NFKB1: variants seen among roughly 807,000 people sequenced by gnomAD.
The protein encoded by NFKB1 is nuclear factor kappa B subunit 1, also known as nuclear factor NF-kappa-B p105 subunit.
NFKB1 carries 9 observed loss-of-function variants against 105.1 expected under a neutral mutation model. The ratio of observed to expected loss-of-function variants is 0.09; its 90% CI spans 0.05 to 0.15. The LOEUF (loss-of-function observed/expected upper bound fraction) is 0.15, where lower values mean the gene tolerates loss of function less well. Among genes scored for constraint, NFKB1 ranks in the 10% least tolerant of loss-of-function variants. The pLI is 1.00. For missense variants in NFKB1, 830 were observed against 1,203.7 expected, an observed-to-expected ratio of 0.69 and a Z score of 4.59; for synonymous variants, 440 against 442.2, an observed-to-expected ratio of 1.00 and a Z score of 0.06.
intron 10 of NFKB1, among the ~76,000 whole-genome samples, chr4:102,583,923 A>C (rs1015321123): frequency 6.6e-6 from 1 of 152,182 alleles, no homozygotes; most frequent in Non-Finnish European, 1.5e-5. Flanking sequence ...CTAATATAGA[A>C]AGATCTCAGT....
At chr4:102,549,108 A>C (rs1722369434) in intron 5 of NFKB1, among the ~76,000 whole-genome samples, 1 of 152,162 alleles carries the variant, frequency 6.6e-6, no homozygotes, top group Admixed American at 6.6e-5. Flanking sequence ...TTGTTGCCTC[A>C]GTTAATCATA....
At position 102,607,306 on chromosome 4, in the gene NFKB1, G is replaced by T. The variant is rs141844350; in HGVS notation, c.2111G>T (p.Cys704Phe). Residue 704 changes from cysteine to phenylalanine, a missense_variant, in exon 18 of 24, where the codon TGC becomes TTC. Transcript: ENST00000226574. ...CACGACAACATCTCATTGGCAGGCT[G>T]CCTGCTCCTGGAGGTGAAGGGCACA... ...VEHDNISLAG[C>F]LLLEGDAHVD... 3.5e-5 allele frequency: 56 copies of T among 1,612,244 alleles called. No individual in the cohort carries two copies. Among genetic ancestry groups the T allele is most frequent in the Admixed American group, 1.7e-5 (1 of 59,954 alleles).
At chr4:102,572,980 T>G (rs1724510847) in intron 6 of NFKB1, among the ~76,000 whole-genome samples, 2 of 152,330 alleles carry the variant, frequency 1.3e-5, no homozygotes, top group African/African-American at 4.8e-5. Flanking sequence ...TTATTTTATC[T>G]TTGTTTTTCA....
chr4:102,557,969 T>C (rs1002198321), intron 5 of NFKB1, among the ~76,000 whole-genome samples: 3 of 151,868 alleles, frequency 2.0e-5, no homozygotes, highest in African/African-American at 7.3e-5. Flanking sequence ...TGTTCTGCTC[T>C]GGTGTGTAAT....
In NFKB1 at chr4:102,578,949, C is replaced by T. The variant is rs1277862289; in HGVS notation, c.640C>T (p.Arg214Trp). ...QTKEMDLSVV[R>W]LMFTAFLPDS... is the part of the protein sequence containing the mutation. The stretch of plus-strand genomic sequence containing the variant: ...CAAGGAGATGGACCTCAGCGTGGTG[C>T]GGCTCATGTTTACAGCTTTTCTTCC... The change falls in exon 8 of 24, where the codon CGG (arginine) becomes TGG (tryptophan). Residue 214 changes from arginine (R) to tryptophan (W), a missense_variant. Physicochemically the swap from Arg to Trp is moderately radical, Grantham distance 101. Coordinates refer to ENST00000226574, the MANE Select transcript of NFKB1 (RefSeq NM_003998.4). 2 of 1,613,952 alleles carry T rather than the reference C, an allele frequency of 1.2e-6. No homozygotes were observed. Among genetic ancestry groups the T allele is most frequent in the Admixed American group, 1.7e-5 (1 of 59,982 alleles).
chr4:102,595,647 G>A (rs1007615030), intron 13 of NFKB1, among the ~76,000 whole-genome samples: 2 of 152,198 alleles, frequency 1.3e-5, no homozygotes, highest in African/African-American at 4.8e-5. Flanking sequence ...ATTTGAAGCA[G>A]GTCTCCTGCA....
intron 5 of NFKB1, among the ~76,000 whole-genome samples, chr4:102,541,007 G>A (rs1343197501): frequency 1.3e-5 from 2 of 152,160 alleles, no homozygotes; most frequent in Non-Finnish European, 2.9e-5. Context: ...GAGACTGTAA[G>A]GGAAACAGTG....
intron 13 of NFKB1, 151 bp from the exon 14 acceptor site, chr4:102,595,987 T>C: frequency 2.2e-6 from 1 of 462,186 alleles, no homozygotes; most frequent in Non-Finnish European, 3.8e-6. Context: ...ATTTATGATA[T>C]GACCATTTTT....
chr4:102,585,577 ATTCT>A (rs1285781826), intron 11 of NFKB1, among the ~76,000 whole-genome samples: 3 of 152,226 alleles, frequency 2.0e-5, no homozygotes, highest in Non-Finnish European at 4.4e-5. Context: ...GTAAGGCATC[ATTCT>A]TTCTCTCACA....
intron 23 of NFKB1, 42 bp from the exon 24 acceptor site, chr4:102,616,392 G>T (rs886189476): frequency 1.7e-5 from 27 of 1,606,418 alleles, no homozygotes; most frequent in Non-Finnish European, 2.3e-5. Context: ...GCTTTTTAGA[G>T]CCCGGCCATT....
At chr4:102,601,880 C>T (rs1727180635) in intron 16 of NFKB1, among the ~76,000 whole-genome samples, 2 of 152,200 alleles carry the variant, frequency 1.3e-5, no homozygotes, top group Non-Finnish European at 2.9e-5. Context: ...CACTGTCTTT[C>T]CCCTACTCCC....
At chr4:102,600,439 G>C (rs1162427794) in intron 15 of NFKB1, among the ~76,000 whole-genome samples, 1 of 152,188 alleles carries the variant, frequency 6.6e-6, no homozygotes, top group Non-Finnish European at 1.5e-5. Flanking sequence ...GGGCAGCAGG[G>C]CTAAGTGAGG....
In NFKB1 at chr4:102,608,981, A is replaced by G. The variant is rs1054467427; in HGVS notation, c.2227+1230A>G. Among the ~76,000 whole-genome samples the G allele has an allele frequency of 2.6e-5, 4 of 151,856 alleles. No individual in the cohort carries two copies. In the South Asian group the frequency reaches 8.3e-4, roughly 32 times the overall value. On this transcript the variant is annotated intron_variant, in intron 19 of 23. Transcript: ENST00000226574. Reference sequence around the variant, plus strand: ...AACCAGGTTAACATTGTAAGACCTCATCTCCATTAAAAAATTTAAAAAGTA... The same window carrying G: ...AACCAGGTTAACATTGTAAGACCTCGTCTCCATTAAAAAATTTAAAAAGTA...
rs757924579 is a variant in NFKB1 at position 102,576,846 on chromosome 4, T to C, written c.408-30T>C. On this transcript the variant is annotated intron_variant, in intron 6 of 23. Transcript: ENST00000226574. The stretch of plus-strand genomic sequence containing the variant: ...TTAAGTGCCTAACTTTTGGTTGTTG[T>C]TGCTGCTGCTGTTACTGTTTTTTCT... The C allele has an allele frequency of 9.5e-6, 15 of 1,580,830 alleles. No homozygotes were observed. The African/African-American group carries it at 1.5e-4, about 16-fold the overall frequency.
At chr4:102,560,408 C>T (rs1488447162) in intron 5 of NFKB1, among the ~76,000 whole-genome samples, 1 of 152,144 alleles carries the variant, frequency 6.6e-6, no homozygotes, top group African/African-American at 2.4e-5. Flanking sequence ...GTGTAATTCA[C>T]GAGAACTTCT....
At chr4:102,595,764 C>T (rs1726559671) in intron 13 of NFKB1, among the ~76,000 whole-genome samples, 4 of 152,148 alleles carry the variant, frequency 2.6e-5, no homozygotes, top group Non-Finnish European at 5.9e-5. Context: ...GAATGTGAGT[C>T]GACAACACGT....
intron 6 of NFKB1, among the ~76,000 whole-genome samples, chr4:102,573,434 T>C (rs1288860381): frequency 6.6e-6 from 1 of 152,202 alleles, no homozygotes; most frequent in Admixed American, 6.5e-5. Context: ...TTCCTCTGTA[T>C]ATAATTTTTT....
At chr4:102,537,007 A>T (rs1279993104) in intron 4 of NFKB1, among the ~76,000 whole-genome samples, 4 of 152,186 alleles carry the variant, frequency 2.6e-5, no homozygotes, top group Non-Finnish European at 4.4e-5. Flanking sequence ...TTGTATACAA[A>T]TATGAATAAG....
In NFKB1 at chr4:102,616,285, C is replaced by T. The variant is rs1609798; in HGVS notation, c.2750-149C>T. The T allele has an allele frequency of 0.3, 234,242 of 772,700 alleles. 38,342 individuals are homozygous for T. Among genetic ancestry groups the T allele is most frequent in the Admixed American group, 0.44 (18,794 of 42,354 alleles). 47.9% of individuals were successfully genotyped at this position (772,700 alleles called of 1,614,324 possible). A position where few individuals can be genotyped will look rare whatever the true frequency, so the allele number is the denominator to read the frequency against. ...TGTCCCAAGTATCTTCTGCCCTTCC[C>T]ACCACGGTGAGCAGTCATGACAGTG... On this transcript the variant is annotated intron_variant, in intron 23 of 23. Transcript: ENST00000226574.
Sources: gnomAD v4.1 joint callset for allele counts (sites outside exome capture counted in the v4.1 genomes callset) on GRCh38, gnomAD v4.1.1 for gene constraint, MANE v1.5 for transcripts, NCBI Gene and HGNC (gene_info 2026-07-23, HGNC 2026-07-21) for gene names.